The following HS3ST2 variants were observed in gnomAD, a reference collection of about 807,000 sequenced individuals.
HS3ST2 encodes heparan sulfate glucosamine 3-O-sulfotransferase 2.
In HS3ST2, 17 loss-of-function variants were observed where a neutral mutation model predicts 26.3. The observed-to-expected ratio is 0.65, with a 90% CI of 0.44 to 0.97. The LOEUF is 0.97. Among genes scored for constraint, HS3ST2 ranks in the 50% least tolerant of loss-of-function variants. The pLI is 0.00. For synonymous variants in HS3ST2, 237 were observed against 219.2 expected, an observed-to-expected ratio of 1.08 and a Z score of -0.72; for missense variants, 402 against 501.2, an observed-to-expected ratio of 0.80 and a Z score of 1.89.
At chr16:22,840,146 A>C (rs557522121) in intron 1 of HS3ST2, among the ~76,000 whole-genome samples, 1 of 152,254 alleles carries the variant, frequency 6.6e-6, no homozygotes, top group Non-Finnish European at 1.5e-5. Flanking sequence ...CAGGCACCTG[A>C]CTTACAAAGG....
intron 1 of HS3ST2, among the ~76,000 whole-genome samples, chr16:22,818,581 A>G (rs1900909135): frequency 6.6e-6 from 1 of 152,070 alleles, no homozygotes; most frequent in Non-Finnish European, 1.5e-5. Context: ...CAATTGCTAT[A>G]AAGATAGTTC....
chr16:22,842,398 T>C (rs533295352), intron 1 of HS3ST2, among the ~76,000 whole-genome samples: 69 of 152,240 alleles, frequency 4.5e-4, no homozygotes, highest in African/African-American at 1.5e-3. Context: ...TGTCTAAACA[T>C]GGATTTGTTT....
chr16:22,817,049 G>A (rs1307911474), intron 1 of HS3ST2, among the ~76,000 whole-genome samples: 6 of 152,074 alleles, frequency 3.9e-5, no homozygotes. Flanking sequence ...TTTAACCTTG[G>A]CATGTGTGAT....
intron 1 of HS3ST2, among the ~76,000 whole-genome samples, chr16:22,887,883 C>T (rs1259308063): frequency 6.6e-6 from 1 of 152,052 alleles, no homozygotes; most frequent in African/African-American, 2.4e-5. Flanking sequence ...TCTAGGAGTT[C>T]AAGGCTGCAG....
chr16:22,862,246 T>C (rs1210424256), intron 1 of HS3ST2, among the ~76,000 whole-genome samples: 3 of 151,580 alleles, frequency 2.0e-5, no homozygotes, highest in Non-Finnish European at 4.4e-5. Context: ...TGGGTGTGTG[T>C]CTCATTCATG....
At chr16:22,904,005 A>C (rs1902316138) in intron 1 of HS3ST2, among the ~76,000 whole-genome samples, 1 of 152,144 alleles carries the variant, frequency 6.6e-6, no homozygotes, top group Admixed American at 6.5e-5. Context: ...CTTGTCAGTG[A>C]AGGAATAATC....
At chr16:22,908,281 G>C (rs1472661758) in intron 1 of HS3ST2, among the ~76,000 whole-genome samples, 1 of 152,120 alleles carries the variant, frequency 6.6e-6, no homozygotes, top group Non-Finnish European at 1.5e-5. Flanking sequence ...AAACTTCAAA[G>C]ATACCGATAA....
chr16:22,852,481 G>A (rs1242621834), intron 1 of HS3ST2, among the ~76,000 whole-genome samples: 1 of 152,040 alleles, frequency 6.6e-6, no homozygotes, highest in Non-Finnish European at 1.5e-5. Context: ...TCTGGCACAG[G>A]GTGGTCCTGC....
At chr16:22,836,108 C>T (rs1901250184) in intron 1 of HS3ST2, among the ~76,000 whole-genome samples, 1 of 151,444 alleles carries the variant, frequency 6.6e-6, no homozygotes, top group Non-Finnish European at 1.5e-5. Context: ...AGGATATAAC[C>T]ATAATCTGTG....
chr16:22,820,459 T>C (rs1013905443), intron 1 of HS3ST2, among the ~76,000 whole-genome samples: 4 of 151,928 alleles, frequency 2.6e-5, no homozygotes, highest in African/African-American at 9.7e-5. Context: ...GAAAAAGAGG[T>C]TTAATGGACT....
At chr16:22,900,622 T>A (rs1303666643) in intron 1 of HS3ST2, among the ~76,000 whole-genome samples, 3 of 151,666 alleles carry the variant, frequency 2.0e-5, no homozygotes, top group Non-Finnish European at 4.4e-5. Context: ...AAGTGGTAAG[T>A]TGAGGAGAAA....
intron 1 of HS3ST2, among the ~76,000 whole-genome samples, chr16:22,869,456 C>A (rs375950099): frequency 7.2e-4 from 110 of 152,274 alleles, no homozygotes; most frequent in Middle Eastern, 3.4e-3. Flanking sequence ...TTTAATGCTG[C>A]TGATAAAGAC....
intron 1 of HS3ST2, among the ~76,000 whole-genome samples, chr16:22,859,188 C>A (rs984098370): frequency 6.6e-6 from 1 of 152,104 alleles, no homozygotes; most frequent in Non-Finnish European, 1.5e-5. Context: ...CAAACGAACA[C>A]TTTATCCTTA....
intron 1 of HS3ST2, among the ~76,000 whole-genome samples, chr16:22,828,001 C>G (rs907807715): frequency 2.6e-5 from 4 of 152,058 alleles, no homozygotes; most frequent in African/African-American, 9.7e-5. Flanking sequence ...GCCACCGTGC[C>G]CAGCCCAAGT....
intron 1 of HS3ST2, among the ~76,000 whole-genome samples, chr16:22,894,261 C>G (rs942045867): frequency 1.3e-5 from 2 of 152,168 alleles, no homozygotes; most frequent in Admixed American, 6.5e-5. Context: ...TGCCTCACCC[C>G]GTTCTTCTCT....
At chr16:22,903,329 A>G (rs1902304896) in intron 1 of HS3ST2, among the ~76,000 whole-genome samples, 1 of 152,258 alleles carries the variant, frequency 6.6e-6, no homozygotes, top group Non-Finnish European at 1.5e-5. Context: ...TTTAGAGTTT[A>G]GAACAGCAAG....
chr16:22,859,866 G>A (rs1161770016), intron 1 of HS3ST2, among the ~76,000 whole-genome samples: 1 of 152,150 alleles, frequency 6.6e-6, no homozygotes, highest in South Asian at 2.1e-4. Context: ...TCTGACTTGG[G>A]CATGTAGGGG....
chr16:22,880,458 A>G (rs1330435871), intron 1 of HS3ST2, among the ~76,000 whole-genome samples: 2 of 151,998 alleles, frequency 1.3e-5, no homozygotes, highest in East Asian at 1.9e-4. Context: ...AAACTGGGGG[A>G]AAAAAACCTT....
chr16:22,875,699 A>G (rs1205088938), intron 1 of HS3ST2, among the ~76,000 whole-genome samples: 1 of 152,162 alleles, frequency 6.6e-6, no homozygotes, highest in Non-Finnish European at 1.5e-5. Flanking sequence ...CAGCATTTAT[A>G]AAACCTGCAG....
Sources: gnomAD v4.1 joint callset for allele counts (sites outside exome capture counted in the v4.1 genomes callset) on GRCh38, gnomAD v4.1.1 for gene constraint, MANE v1.5 for transcripts, NCBI Gene and HGNC (gene_info 2026-07-23, HGNC 2026-07-21) for gene names.